The following KCNH1 variants were observed in gnomAD, a reference collection of about 807,000 sequenced individuals.
KCNH1 encodes the protein potassium voltage-gated channel subfamily H member 1.
KCNH1 carries 27 observed loss-of-function variants against 69.2 expected under a neutral mutation model. The observed-to-expected ratio is 0.39, with a 90% CI of 0.29 to 0.54. The LOEUF (loss-of-function observed/expected upper bound fraction) is 0.54, where lower values mean the gene tolerates loss of function less well. Ranked by LOEUF, KCNH1 falls within the 20% of genes least tolerant of loss-of-function variation. KCNH1 has a pLI of 0.68. For synonymous variants in KCNH1, 456 were observed against 487.7 expected (o/e 0.93, Z 0.86); for missense variants, 798 against 1,261.6 (o/e 0.63, Z 5.57).
chr1:210,690,118 C>T (rs1681497480), intron 10 of KCNH1, among the ~76,000 whole-genome samples: 1 of 152,238 alleles, frequency 6.6e-6, no homozygotes, highest in African/African-American at 2.4e-5. Flanking sequence ...TGAGTCTCTC[C>T]CTCAGCCTCT....
chr1:210,856,801 T>TTATATTTATATA lies in KCNH1; in HGVS notation c.1463-52636_1463-52635insTATATAAATATA, dbSNP rs1470190230. 1.5e-4 allele frequency among the ~76,000 whole-genome samples: 16 copies of TTATATTTATATA among 105,416 alleles called. 1 individual carries two copies. Among genetic ancestry groups the TTATATTTATATA allele is most frequent in the Non-Finnish European group, 2.9e-4 (15 of 52,164 alleles). 69.2% of individuals were successfully genotyped at this position (105,416 alleles called of 152,430 possible). On this transcript the variant is annotated intron_variant, in intron 7 of 10. Transcript: ENST00000271751. Reference sequence around the variant, plus strand: ...ATGTTATATATATATATATTTATATTTATATATATATTATATATATTTTAT... The same window carrying TTATATTTATATA: ...ATGTTATATATATATATATTTATATTTATATTTATATATATATATATATTATATATATTTTAT...
chr1:211,092,772 C>G (rs1691074685), intron 3 of KCNH1, among the ~76,000 whole-genome samples: 1 of 151,968 alleles, frequency 6.6e-6, no homozygotes, highest in Admixed American at 6.6e-5. Context: ...TATATCCTCA[C>G]AGCTCTCAAT....
chr1:210,982,098 A>G (rs1027251689), intron 6 of KCNH1, among the ~76,000 whole-genome samples: 16 of 152,126 alleles, frequency 1.1e-4, no homozygotes, highest in Non-Finnish European at 2.1e-4. Flanking sequence ...CACCAGCAAT[A>G]AGACTTTCAA....
At chr1:211,047,019 T>C (rs1358331455) in intron 5 of KCNH1, among the ~76,000 whole-genome samples, 1 of 152,196 alleles carries the variant, frequency 6.6e-6, no homozygotes, top group Admixed American at 6.5e-5. Context: ...AATAATTTAA[T>C]GTAATATATC....
intron 1 of KCNH1, among the ~76,000 whole-genome samples, chr1:211,111,086 T>C (rs1313259310): frequency 6.6e-6 from 1 of 152,174 alleles, no homozygotes; most frequent in African/African-American, 2.4e-5. Context: ...TTTTAATTAA[T>C]TTAATCATAA....
intron 10 of KCNH1, among the ~76,000 whole-genome samples, chr1:210,744,057 A>G (rs1014647396): frequency 6.6e-6 from 1 of 152,258 alleles, no homozygotes; most frequent in Non-Finnish European, 1.5e-5. Context: ...TCCCAGATCC[A>G]GCCTGCCTGT....
intron 4 of KCNH1, among the ~76,000 whole-genome samples, chr1:211,087,195 C>T (rs1319866867): frequency 1.3e-5 from 2 of 152,212 alleles, no homozygotes; most frequent in Non-Finnish European, 2.9e-5. Context: ...TATTCTACAT[C>T]TCTGGCTCTT....
At chr1:210,759,252 A>G (rs1376062351) in intron 10 of KCNH1, among the ~76,000 whole-genome samples, 2 of 151,890 alleles carry the variant, frequency 1.3e-5, no homozygotes, top group Non-Finnish European at 2.9e-5. Context: ...CACTGCAATA[A>G]AAAATCCAGA....
intron 6 of KCNH1, among the ~76,000 whole-genome samples, chr1:210,966,318 G>T (rs1688399646): frequency 1.3e-5 from 2 of 152,100 alleles, no homozygotes; most frequent in South Asian, 2.1e-4. Flanking sequence ...CAGGACATAG[G>T]CATGGGCAAA....
chr1:211,114,886 A>G (rs984279385), intron 1 of KCNH1, among the ~76,000 whole-genome samples: 2 of 152,352 alleles, frequency 1.3e-5, no homozygotes, highest in Admixed American at 1.3e-4. Flanking sequence ...ATAAATGGAA[A>G]TATATCCCAT....
intron 6 of KCNH1, among the ~76,000 whole-genome samples, chr1:210,952,698 A>C (rs1438995387): frequency 6.6e-6 from 1 of 152,192 alleles, no homozygotes; most frequent in Non-Finnish European, 1.5e-5. Context: ...AAAAAAAAAA[A>C]AATCACATAA....
intron 7 of KCNH1, among the ~76,000 whole-genome samples, chr1:210,835,789 C>T (rs1685267912): frequency 6.6e-6 from 1 of 152,020 alleles, no homozygotes; most frequent in Non-Finnish European, 1.5e-5. Context: ...AACAGGGCTT[C>T]AGTTCCCAAC....
rs1691918480 is a variant in KCNH1, at chr1:211,133,669, G to C, written c.79+198C>G. ...CGTCCCCAGAAGAGCTCTCCTGTTA[G>C]GATGGGGACCCATCAGACCCCGCCC... On this transcript the variant is annotated intron_variant, in intron 1 of 10. Transcript: ENST00000271751. This position sits in a 1 kb window ranked among gnomAD's most constrained non-coding sequence, Gnocchi z 5.4. Among the ~76,000 whole-genome samples, 1 of 152,134 alleles carries C rather than the reference G, an allele frequency of 6.6e-6. No individual in the cohort carries two copies. Among genetic ancestry groups the C allele is most frequent in the African/African-American group, 2.4e-5 (1 of 41,448 alleles).
chr1:210,744,168 A>C (rs1269460793), intron 10 of KCNH1, among the ~76,000 whole-genome samples: 1 of 152,220 alleles, frequency 6.6e-6, no homozygotes, highest in Non-Finnish European at 1.5e-5. Flanking sequence ...GCAGGCTCAG[A>C]GTATGCCCAA....
chr1:211,038,969 C>T (rs1466749327), intron 5 of KCNH1, among the ~76,000 whole-genome samples: 2 of 152,168 alleles, frequency 1.3e-5, no homozygotes, highest in African/African-American at 2.4e-5. Context: ...AATATGAATC[C>T]CCAAGACCAT....
intron 7 of KCNH1, among the ~76,000 whole-genome samples, chr1:210,805,803 A>G (rs1684538885): frequency 6.6e-6 from 1 of 152,152 alleles, no homozygotes; most frequent in Non-Finnish European, 1.5e-5. Context: ...TTCTATCTCT[A>G]TTGATTTCCA....
At chr1:211,078,917 C>CAAAAAAAAAAA (rs769981174) in intron 5 of KCNH1, among the ~76,000 whole-genome samples, 22 of 83,044 alleles carry the variant, frequency 2.6e-4, no homozygotes, top group East Asian at 3.9e-4. Flanking sequence ...GACTCCGTCT[C>CAAAAAAAAAAA]AAAAAAAAAA....
At chr1:210,929,665 G>C (rs1687644187) in intron 6 of KCNH1, among the ~76,000 whole-genome samples, 2 of 152,076 alleles carry the variant, frequency 1.3e-5, no homozygotes, top group African/African-American at 4.8e-5. Context: ...CACAGTACTG[G>C]AAGTCCTAGC....
intron 4 of KCNH1, among the ~76,000 whole-genome samples, chr1:211,084,590 C>A (rs1179217152): frequency 6.6e-6 from 1 of 152,182 alleles, no homozygotes; most frequent in Non-Finnish European, 1.5e-5. Flanking sequence ...CAAGAGTGGG[C>A]TCTTAAAAGA....
Sources: gnomAD v4.1 joint callset for allele counts (sites outside exome capture counted in the v4.1 genomes callset) on GRCh38, gnomAD v4.1.1 for gene constraint, Gnocchi (gnomAD v3.1) non-coding constraint, MANE v1.5 for transcripts, NCBI Gene and HGNC (gene_info 2026-07-23, HGNC 2026-07-21) for gene names.